The following C17orf99 variants were observed in gnomAD, a reference collection of about 807,000 sequenced individuals.
The protein encoded by C17orf99 is chromosome 17 open reading frame 99, also known as protein IL-40.
Under a neutral mutation model 22.6 loss-of-function variants are expected in C17orf99, and 18 were observed. That is an observed-to-expected ratio of 0.80 (90% CI 0.55 to 1.18). The LOEUF (loss-of-function observed/expected upper bound fraction) is 1.18. Ranked by LOEUF, C17orf99 falls within the 50% of genes most tolerant of loss-of-function variation. C17orf99 has a pLI of 0.00. For missense variants in C17orf99, 328 were observed against 342.7 expected (o/e 0.96, Z 0.34); for synonymous variants, 147 against 136.6 (o/e 1.08, Z -0.53).
At position 78,161,189 on chromosome 17, in the gene C17orf99, C is replaced by T. The variant is rs1247473703; in HGVS notation, c.305C>T (p.Ala102Val). 5.2e-6 allele frequency: 8 copies of T among 1,551,652 alleles called. No individual in the cohort carries two copies. Among genetic ancestry groups the T allele is most frequent in the Middle Eastern group, 1.7e-4 (1 of 6,014 alleles). Reference protein sequence around the residue: ...SPDLLTYFCWASSTSGAHVDS... With the variant: ...SPDLLTYFCWVSSTSGAHVDS... ...GACCTGCTCACCTACTTCTGCTGGG[C>T]GTCCTCCACCTCAGGTGCCCATGTG... is the stretch of plus-strand genomic sequence containing the variant. Residue 102 changes from alanine to valine, a missense_variant, in exon 3 of 5, where the codon GCG (alanine) becomes GTG (valine). Coordinates refer to ENST00000340363, the MANE Select transcript of C17orf99 (RefSeq NM_001163075.2).
intron 2 of C17orf99, among the ~76,000 whole-genome samples, chr17:78,152,284 C>T (rs181527291): frequency 1.5e-4 from 22 of 150,896 alleles, no homozygotes; most frequent in African/African-American, 5.1e-4. Context: ...GCTCAAACAT[C>T]CTCCCATGTC....
chr17:78,146,251 C>T (rs1429300669), upstream of C17orf99: 3 of 608,266 alleles, frequency 4.9e-6, no homozygotes, highest in Non-Finnish European at 8.5e-6. This position sits in a 1 kb window ranked among gnomAD's most constrained non-coding sequence, Gnocchi z 5.2. Context: ...TCTCTGGGCC[C>T]CGCCCTGGTA....
intron 2 of C17orf99, among the ~76,000 whole-genome samples, chr17:78,147,284 G>A (rs1270670344): frequency 1.3e-5 from 2 of 152,214 alleles, no homozygotes; most frequent in African/African-American, 2.4e-5. Flanking sequence ...CCCGGTGGGC[G>A]AGGCCCCGTG....
rs1380004432 is a variant in C17orf99, at chr17:78,166,161, A to G, written c.*115A>G. 1.1e-5 allele frequency: 4 copies of G among 358,058 alleles called. No homozygotes were observed. Among genetic ancestry groups the G allele is most frequent in the African/African-American group, 4.2e-5 (2 of 47,636 alleles). 22.2% of individuals were successfully genotyped at this position (358,058 alleles called of 1,614,324 possible). On this transcript the variant is annotated 3_prime_UTR_variant, in exon 5 of 5. Coordinates refer to ENST00000340363, the MANE Select transcript of C17orf99 (RefSeq NM_001163075.2). ...GTTTTAGCTGCTCTTGCCACAAAAAAAAAAAAAAAAAAAAAAGGGTAACTA... is the reference window on the plus strand; with the variant it reads ...GTTTTAGCTGCTCTTGCCACAAAAAGAAAAAAAAAAAAAAAAGGGTAACTA...
chr17:78,146,363 A>G (rs1369987940), upstream of C17orf99: 2 of 1,541,430 alleles, frequency 1.3e-6, no homozygotes, highest in Non-Finnish European at 1.8e-6. This position sits in a 1 kb window ranked among gnomAD's most constrained non-coding sequence, Gnocchi z 5.2. Context: ...GCCAGGAACT[A>G]GGAGGTTCTC....
intron 4 of C17orf99, chr17:78,164,644 G>A: frequency 6.8e-7 from 1 of 1,476,860 alleles, no homozygotes; most frequent in South Asian, 1.2e-5. Flanking sequence ...AGGATGCTGG[G>A]CTGGACCACG....
intron 4 of C17orf99, chr17:78,165,451 G>C (rs1336822749): frequency 2.0e-6 from 2 of 985,294 alleles, no homozygotes; most frequent in Non-Finnish European, 2.4e-6. Context: ...TCATTTAGTG[G>C]GGTGAGTAAG....
chr17:78,150,121 G>A (rs898439015), intron 2 of C17orf99, among the ~76,000 whole-genome samples: 4 of 151,808 alleles, frequency 2.6e-5, no homozygotes, highest in Non-Finnish European at 4.4e-5. Context: ...CCATCATCCC[G>A]CCTCAGCCTC....
chr17:78,152,988 G>A (rs747307758), intron 2 of C17orf99, among the ~76,000 whole-genome samples: 12 of 151,694 alleles, frequency 7.9e-5, no homozygotes, highest in Non-Finnish European at 1.5e-4. Context: ...AGGGTGAGGC[G>A]GAGAATCACT....
Position 78,164,120 on chromosome 17 carries a change from C to T in C17orf99, c.396C>T (p.Asn132=). The T allele has an allele frequency of 1.9e-6, 3 of 1,551,736 alleles. No homozygotes were observed. Among genetic ancestry groups the T allele is most frequent in the African/African-American group, 2.7e-5 (2 of 73,200 alleles). The stretch of plus-strand genomic sequence containing the variant: ...AGCCAGTGTCTGAGCTGCGGGCCAA[C>T]TTCACTCTGCAGGACAGAGGGGCAG... ...WSKPVSELRA[N]FTLQDRGAGP... Residue 132 remains asparagine (N), a synonymous_variant, in exon 4 of 5, where the codon AAC becomes AAT. Transcript: ENST00000340363.
intron 2 of C17orf99, chr17:78,157,493 G>C: frequency 3.2e-6 from 4 of 1,245,646 alleles, no homozygotes; most frequent in Non-Finnish European, 4.4e-6. Flanking sequence ...GCAGTCCTCA[G>C]CATTGTGTAA....
At chr17:78,163,110 C>G (rs1048994460) in intron 3 of C17orf99, among the ~76,000 whole-genome samples, 1 of 152,190 alleles carries the variant, frequency 6.6e-6, no homozygotes, top group South Asian at 2.1e-4. Context: ...AAAAATTAAT[C>G]AGGTATGGTG....
At chr17:78,156,656 T>G (rs4789544) in intron 2 of C17orf99, among the ~76,000 whole-genome samples, 73,111 of 151,944 alleles carry the variant, frequency 0.48, 20,796 homozygotes, top group African/African-American at 0.78. Flanking sequence ...TTTCACCCAG[T>G]CTGGAGTGCA....
At chr17:78,160,227 T>C in intron 2 of C17orf99, 4 of 427,184 alleles carry the variant, frequency 9.4e-6, no homozygotes, top group South Asian at 6.7e-5. Context: ...CAGGGGTACA[T>C]GTGCAGGTTT....
intron 3 of C17orf99, among the ~76,000 whole-genome samples, chr17:78,162,889 G>A (rs1451177778): frequency 2.0e-5 from 3 of 152,160 alleles, no homozygotes; most frequent in African/African-American, 7.2e-5. Context: ...AGATTCAAGC[G>A]ATTCTCCTGC....
chr17:78,148,518 A>G (rs1376374969), intron 2 of C17orf99, among the ~76,000 whole-genome samples: 1 of 152,080 alleles, frequency 6.6e-6, no homozygotes, highest in Non-Finnish European at 1.5e-5. Context: ...CAGAGCAAAA[A>G]AAGCACATTC....
chr17:78,151,160 C>T (rs2075479341), intron 2 of C17orf99, among the ~76,000 whole-genome samples: 1 of 144,850 alleles, frequency 6.9e-6, no homozygotes, highest in Admixed American at 6.9e-5. Context: ...CACAATGGCT[C>T]AGGCCCATAA....
At chr17:78,156,209 A>T (rs987760741) in intron 2 of C17orf99, among the ~76,000 whole-genome samples, 2 of 151,076 alleles carry the variant, frequency 1.3e-5, no homozygotes, top group Non-Finnish European at 2.9e-5. Context: ...GGGCACCTGT[A>T]GTCCCAGCTA....
At chr17:78,150,320 T>A (rs2075471687) in intron 2 of C17orf99, among the ~76,000 whole-genome samples, 1 of 152,144 alleles carries the variant, frequency 6.6e-6, no homozygotes, top group Non-Finnish European at 1.5e-5. Flanking sequence ...TATTTCAAAT[T>A]TTTTTGTAGC....
Sources: gnomAD v4.1 joint callset for allele counts (sites outside exome capture counted in the v4.1 genomes callset) on GRCh38, gnomAD v4.1.1 for gene constraint, Gnocchi (gnomAD v3.1) non-coding constraint, MANE v1.5 for transcripts, NCBI Gene and HGNC (gene_info 2026-07-23, HGNC 2026-07-21) for gene names.